Variants in SCHIP1 observed in about 807,000 individuals in gnomAD.
SCHIP1 encodes the protein schwannomin interacting protein 1.
Under a neutral mutation model 29.7 loss-of-function variants are expected in SCHIP1, and 8 were observed. The ratio of observed to expected loss-of-function variants is 0.27; its 90% CI spans 0.16 to 0.49. SCHIP1 has a LOEUF of 0.49. Ranked by LOEUF, SCHIP1 falls within the 20% of genes least tolerant of loss-of-function variation. The pLI, the probability that SCHIP1 is intolerant of heterozygous loss-of-function variation, is 0.99. For missense variants in SCHIP1, 193 were observed against 294.6 expected (o/e 0.66, Z 2.52); for synonymous variants, 76 against 94.9 (o/e 0.80, Z 1.16).
chr3:159,876,149 C>T (rs1560092613), intron 2 of SCHIP1, among the ~76,000 whole-genome samples: 1 of 152,194 alleles, frequency 6.6e-6, no homozygotes, highest in Non-Finnish European at 1.5e-5. Context: ...CCCATTCTTC[C>T]AGTCTCCCTG....
At chr3:159,674,270 T>C in the SCHIP1 span, among the ~76,000 whole-genome samples, 1 of 152,160 alleles carries the variant, frequency 6.6e-6, no homozygotes, top group African/African-American at 2.4e-5. Context: ...GTCATAATCA[T>C]TGATCCCCAA....
chr3:159,387,497 G>A, the SCHIP1 span: 1 of 164,610 alleles, frequency 6.1e-6, no homozygotes, highest in East Asian at 1.8e-4. Flanking sequence ...TTGCCCTTTG[G>A]TGTTCTATCA....
At chr3:159,625,070 AAAC>A in the SCHIP1 span, among the ~76,000 whole-genome samples, 7 of 152,216 alleles carry the variant, frequency 4.6e-5, no homozygotes, top group Non-Finnish European at 1.0e-4. Context: ...GAAAAGCAAC[AAAC>A]AACAGACTTA....
the SCHIP1 span, among the ~76,000 whole-genome samples, chr3:159,741,090 T>G: frequency 6.6e-6 from 1 of 152,294 alleles, no homozygotes; most frequent in East Asian, 1.9e-4. Flanking sequence ...AGAGAGGTAT[T>G]GGTATCATGG....
chr3:159,501,280 A>G, the SCHIP1 span, among the ~76,000 whole-genome samples: 20 of 152,210 alleles, frequency 1.3e-4, no homozygotes, highest in Non-Finnish European at 2.4e-4. Context: ...CTCATCTATT[A>G]AAAAGGATGG....
the SCHIP1 span, among the ~76,000 whole-genome samples, chr3:159,340,468 T>A: frequency 6.6e-6 from 1 of 152,140 alleles, no homozygotes; most frequent in Non-Finnish European, 1.5e-5. Context: ...ACTGAAAGTT[T>A]ATAGCCATAA....
chr3:159,432,756 C>T, the SCHIP1 span, among the ~76,000 whole-genome samples: 1 of 152,196 alleles, frequency 6.6e-6, no homozygotes, highest in Non-Finnish European at 1.5e-5. Context: ...TCAATTGTAT[C>T]TGCTGTGGCC....
chr3:159,397,153 C>T, the SCHIP1 span, among the ~76,000 whole-genome samples: 1 of 151,756 alleles, frequency 6.6e-6, no homozygotes, highest in East Asian at 1.9e-4. Flanking sequence ...AGTTCTCGAG[C>T]CTTGGTTTTC....
At chr3:159,866,612 G>T (rs1416084742) in intron 2 of SCHIP1, among the ~76,000 whole-genome samples, 1 of 151,970 alleles carries the variant, frequency 6.6e-6, no homozygotes, top group Admixed American at 6.6e-5. Context: ...GAGACATGTG[G>T]CAGACTACCA....
the SCHIP1 span, among the ~76,000 whole-genome samples, chr3:159,719,660 A>G: frequency 8.5e-5 from 13 of 152,382 alleles, no homozygotes; most frequent in South Asian, 2.5e-3. Context: ...GCCATCAGAG[A>G]AATGCAAACC....
At chr3:159,447,936 CAG>C in the SCHIP1 span, among the ~76,000 whole-genome samples, 8 of 152,112 alleles carry the variant, frequency 5.3e-5, no homozygotes, top group East Asian at 1.9e-4. Flanking sequence ...TTAAGGGATG[CAG>C]AGTCTCATAG....
chr3:159,731,640 T>C, the SCHIP1 span, among the ~76,000 whole-genome samples: 1 of 152,218 alleles, frequency 6.6e-6, no homozygotes, highest in Non-Finnish European at 1.5e-5. Context: ...CTTCTCTCTT[T>C]TGTCTTGGAG....
intron 1 of SCHIP1, among the ~76,000 whole-genome samples, chr3:159,860,108 C>T (rs1440658119): frequency 6.6e-6 from 1 of 152,158 alleles, no homozygotes; most frequent in Non-Finnish European, 1.5e-5. Context: ...TCCTGAGTTC[C>T]TTTCTGGGCC....
intron 1 of SCHIP1, among the ~76,000 whole-genome samples, chr3:159,863,433 T>C (rs763247812): frequency 1.3e-5 from 2 of 152,176 alleles, no homozygotes; most frequent in Non-Finnish European, 2.9e-5. Flanking sequence ...GATGGAATGA[T>C]ATGCAACCAT....
chr3:159,370,970 A>G, the SCHIP1 span, among the ~76,000 whole-genome samples: 1 of 152,172 alleles, frequency 6.6e-6, no homozygotes, highest in Non-Finnish European at 1.5e-5. Context: ...CCATAATCAC[A>G]TGAACCAATT....
At chr3:159,485,248 G>A in the SCHIP1 span, among the ~76,000 whole-genome samples, 1 of 152,236 alleles carries the variant, frequency 6.6e-6, no homozygotes, top group South Asian at 2.1e-4. Flanking sequence ...GCCTGCCTGG[G>A]GTCAGGTCCG....
At chr3:159,747,977 T>C in the SCHIP1 span, among the ~76,000 whole-genome samples, 381 of 152,358 alleles carry the variant, frequency 2.5e-3, no homozygotes, top group Non-Finnish European at 3.6e-3. Flanking sequence ...TCCAACTATT[T>C]TGATCATAAA....
chr3:159,795,873 G>A, the SCHIP1 span, among the ~76,000 whole-genome samples: 1 of 152,302 alleles, frequency 6.6e-6, no homozygotes, highest in East Asian at 1.9e-4. Context: ...GGAGGCTGTG[G>A]AGCAATGTTT....
the SCHIP1 span, among the ~76,000 whole-genome samples, chr3:159,361,871 A>G: frequency 6.6e-6 from 1 of 152,240 alleles, no homozygotes; most frequent in East Asian, 1.9e-4. Flanking sequence ...AAATCCCATC[A>G]AATGAAATAG....
Sources: gnomAD v4.1 joint callset for allele counts (sites outside exome capture counted in the v4.1 genomes callset) on GRCh38, gnomAD v4.1.1 for gene constraint, MANE v1.5 for transcripts, NCBI Gene and HGNC (gene_info 2026-07-23, HGNC 2026-07-21) for gene names.